COL4A2: variants seen among roughly 807,000 people sequenced by gnomAD.
COL4A2 encodes the protein collagen alpha-2(IV) chain.
In COL4A2, 99 loss-of-function variants were observed where a neutral mutation model predicts 200.2. The ratio of observed to expected loss-of-function variants is 0.49; its 90% CI spans 0.42 to 0.58. COL4A2 has a LOEUF of 0.58. Among genes scored for constraint, COL4A2 ranks in the 20% least tolerant of loss-of-function variants. COL4A2 has a pLI of 0.00. For synonymous variants in COL4A2, 897 were observed against 900.6 expected (o/e 1.00, Z 0.07); for missense variants, 1,950 against 2,314.1 (o/e 0.84, Z 3.23).
intron 3 of COL4A2, among the ~76,000 whole-genome samples, chr13:110,348,372 C>G (rs531602597): frequency 6.6e-6 from 1 of 152,312 alleles, no homozygotes; most frequent in South Asian, 2.1e-4. Context: ...CTTTGCTGCC[C>G]GGCATATAGA....
chr13:110,336,065 G>C (rs2139366694), intron 3 of COL4A2, among the ~76,000 whole-genome samples: 1 of 152,298 alleles, frequency 6.6e-6, no homozygotes, highest in African/African-American at 2.4e-5. Context: ...TGAAAATGAA[G>C]ACTGCAAAAA....
intron 4 of COL4A2, among the ~76,000 whole-genome samples, chr13:110,373,119 T>C (rs754548394): frequency 1.3e-4 from 20 of 152,262 alleles, no homozygotes; most frequent in Non-Finnish European, 2.8e-4. Context: ...AAGTTTTTTC[T>C]GCCAGCACTA....
At chr13:110,383,606 CTTTTTTTTTTT>C (rs67906394) in intron 4 of COL4A2, among the ~76,000 whole-genome samples, 10 of 65,350 alleles carry the variant, frequency 1.5e-4, no homozygotes, top group South Asian at 7.4e-4. Flanking sequence ...CAGCCCTTTT[CTTTTTTTTTTT>C]TTTTTTTTTT....
chr13:110,380,023 C>T (rs1878401920), intron 4 of COL4A2, among the ~76,000 whole-genome samples: 1 of 152,208 alleles, frequency 6.6e-6, no homozygotes, highest in Non-Finnish European at 1.5e-5. Flanking sequence ...TTGCAATGGC[C>T]TGTGTTGCCA....
At chr13:110,500,883 C>A (rs537377658) in intron 40 of COL4A2, among the ~76,000 whole-genome samples, 28 of 152,312 alleles carry the variant, frequency 1.8e-4, no homozygotes, top group African/African-American at 6.3e-4. Flanking sequence ...CTTGCACTTA[C>A]CAACAGTAGG....
chr13:110,339,423 C>T (rs1876352648), intron 3 of COL4A2, among the ~76,000 whole-genome samples: 2 of 152,106 alleles, frequency 1.3e-5, no homozygotes, highest in African/African-American at 2.4e-5. Context: ...GGAAGAATGT[C>T]GTGGGAGCAG....
At chr13:110,436,103 A>G (rs901410934) in intron 12 of COL4A2, 166 bp from the exon 13 acceptor site, 1 of 1,037,510 alleles carries the variant, frequency 9.6e-7, no homozygotes, top group African/African-American at 1.6e-5. Flanking sequence ...AAAAACTTAC[A>G]TTAGGATTAC....
intron 22 of COL4A2, chr13:110,459,341 C>T (rs1432507420): frequency 6.0e-6 from 1 of 167,406 alleles, no homozygotes; most frequent in Non-Finnish European, 1.3e-5. Flanking sequence ...ATGAATGGAT[C>T]AGCTAAATCT....
chr13:110,385,106 GA>G (rs1312471035), intron 4 of COL4A2, among the ~76,000 whole-genome samples: 1 of 152,034 alleles, frequency 6.6e-6, no homozygotes, highest in Admixed American at 6.6e-5. Context: ...ACTAAAAATA[GA>G]AAAAATTAGC....
chr13:110,501,722 C>G lies in COL4A2; in HGVS notation c.3815C>G (p.Pro1272Arg). Residue 1272 changes from proline to arginine, a missense_variant, in exon 41 of 48, where the codon CCC becomes CGC. Physicochemically the swap from Pro to Arg is moderately radical, Grantham distance 103. Coordinates refer to ENST00000360467, the MANE Select transcript of COL4A2 (RefSeq NM_001846.4). ...CTTCAGGGGTTCCCTGGTATCACACCCCCTTCCAACATCTCTGGGGCACCT... is the reference window on the plus strand; with the variant it reads ...CTTCAGGGGTTCCCTGGTATCACACGCCCTTCCAACATCTCTGGGGCACCT... ...PGLQGFPGIT[P>R]PSNISGAPGD... is the part of the protein sequence containing the mutation. The G allele has an allele frequency of 6.2e-7, 1 of 1,613,808 alleles. No individual in the cohort carries two copies. Among genetic ancestry groups the G allele is most frequent in the Non-Finnish European group, 8.5e-7 (1 of 1,179,790 alleles).
At chr13:110,504,833 C>T (rs2139554987) in intron 45 of COL4A2, among the ~76,000 whole-genome samples, 1 of 152,106 alleles carries the variant, frequency 6.6e-6, no homozygotes, top group East Asian at 2.0e-4. Flanking sequence ...GTCTCGAACT[C>T]CTGACCTCGA....
At chr13:110,418,719 C>T (rs539622070) in intron 4 of COL4A2, among the ~76,000 whole-genome samples, 34 of 151,648 alleles carry the variant, frequency 2.2e-4, no homozygotes, top group Admixed American at 4.6e-4. Flanking sequence ...GTTTTATATA[C>T]TAAATAAGGA....
At position 110,472,752 on chromosome 13, in the gene COL4A2, G is replaced by A. The variant is rs1882527801; in HGVS notation, c.2204-177G>A. Among the ~76,000 whole-genome samples the A allele has an allele frequency of 2.6e-5, 4 of 152,244 alleles. 1 individual carries two copies. In the South Asian group the frequency reaches 8.3e-4, roughly 32 times the overall value. ...GCAGAAGAAACATAACCAACAGAAC[G>A]ACATGGCGAAGGTTGTAGGTTCCAA... On this transcript the variant is annotated intron_variant, in intron 28 of 47. Transcript: ENST00000360467.
At chr13:110,423,260 C>G (rs78656097) in intron 4 of COL4A2, among the ~76,000 whole-genome samples, 31 of 152,124 alleles carry the variant, frequency 2.0e-4, no homozygotes, top group South Asian at 8.3e-4. Flanking sequence ...CTTCCCCTCC[C>G]CTCCTTTCTC....
In COL4A2 at chr13:110,473,090, G is replaced by T; in HGVS notation, c.2365G>T (p.Val789Leu). Residue 789 changes from valine to leucine, a missense_variant, in exon 29 of 48, where the codon GTG (valine) becomes TTG (leucine). Physicochemically the swap from Val to Leu is conservative, Grantham distance 32. Coordinates refer to ENST00000360467, the MANE Select transcript of COL4A2 (RefSeq NM_001846.4). The part of the protein sequence containing the change: ...AQPGPRGDAG[V>L]PGQPGLKGLP... ...GCCCGGGCCACGGGGAGATGCTGGTGTGCCTGGACAGCCTGGGCTTAAAGG... is the reference window on the plus strand; with the variant it reads ...GCCCGGGCCACGGGGAGATGCTGGTTTGCCTGGACAGCCTGGGCTTAAAGG... The T allele has an allele frequency of 1.3e-6, 2 of 1,553,886 alleles. No homozygotes were observed. The highest frequency in any genetic ancestry group is 2.0e-5 in the Admixed American group (1 of 50,962).
intron 24 of COL4A2, among the ~76,000 whole-genome samples, chr13:110,464,233 C>G (rs1882144080): frequency 1.3e-5 from 2 of 152,130 alleles, no homozygotes; most frequent in South Asian, 4.1e-4. Context: ...GCTGCCAGTC[C>G]CAGCCCAGCT....
At chr13:110,347,616 A>T (rs144403533) in intron 3 of COL4A2, among the ~76,000 whole-genome samples, 1,642 of 152,316 alleles carry the variant, frequency 0.011, 15 homozygotes, top group East Asian at 0.046. Flanking sequence ...TGTCACTGGG[A>T]TGTGTTCTGG....
At chr13:110,413,835 T>C (rs931651393) in intron 4 of COL4A2, among the ~76,000 whole-genome samples, 1 of 152,150 alleles carries the variant, frequency 6.6e-6, no homozygotes, top group Non-Finnish European at 1.5e-5. Context: ...ACCCTCAGCA[T>C]GTGGGACCCT....
chr13:110,459,090 C>A, intron 22 of COL4A2, 156 bp downstream of exon 22: 1 of 691,416 alleles, frequency 1.4e-6, no homozygotes, highest in Non-Finnish European at 2.2e-6. Flanking sequence ...CCACATACCC[C>A]AAGGCGGACT....
Sources: gnomAD v4.1 joint callset for allele counts (sites outside exome capture counted in the v4.1 genomes callset) on GRCh38, gnomAD v4.1.1 for gene constraint, MANE v1.5 for transcripts, NCBI Gene and HGNC (gene_info 2026-07-23, HGNC 2026-07-21) for gene names.